Variants in TBC1D15 observed in about 807,000 individuals in gnomAD.
TBC1D15 encodes the protein GAP for RAB7.
A neutral mutation model predicts 95.4 loss-of-function variants in TBC1D15; 39 were observed. That is an observed-to-expected ratio of 0.41 (90% confidence interval 0.32 to 0.53). The LOEUF (loss-of-function observed/expected upper bound fraction) is 0.53. Ranked by LOEUF, TBC1D15 falls within the 20% of genes least tolerant of loss-of-function variation. The probability of loss-of-function intolerance (pLI) is 0.29; values close to 1 mark genes in which losing one functional copy is unlikely to be tolerated. For synonymous variants in TBC1D15, 258 were observed against 261.3 expected, an observed-to-expected ratio of 0.99 and a Z score of 0.12; for missense variants, 733 against 794.3, an observed-to-expected ratio of 0.92 and a Z score of 0.93.
chr12:71,855,137 AGTGCTCAGGG>A (rs902324138), intron 1 of TBC1D15, among the ~76,000 whole-genome samples: 12 of 152,252 alleles, frequency 7.9e-5, no homozygotes, highest in Admixed American at 6.5e-4. Flanking sequence ...GGAGAGAGAG[AGTGCTCAGGG>A]GAAACTGCCA....
intron 1 of TBC1D15, among the ~76,000 whole-genome samples, chr12:71,858,505 A>G (rs1385554807): frequency 6.7e-6 from 1 of 149,262 alleles, no homozygotes; most frequent in Non-Finnish European, 1.5e-5. Context: ...TTTTTTTGAA[A>G]TATAGTCAAA....
rs748386980 is a variant in TBC1D15 at position 71,872,102 on chromosome 12, C to T, written c.63C>T (p.His21=). ...IIYEQEGVYI[H]SSCGKTNDQD... ...ATGAACAAGAAGGAGTATATATTCA[C>T]TCATCTTGTGGAAAGACCAATGACC... Residue 21 remains histidine, a synonymous_variant, in exon 2 of 17, where the codon CAC becomes CAT. Transcript: ENST00000485960. 1.3e-6 allele frequency: 2 copies of T among 1,567,934 alleles called. No homozygotes were observed. The highest frequency in any genetic ancestry group is 1.7e-6 in the Non-Finnish European group (2 of 1,159,624).
intron 7 of TBC1D15, 82 bp downstream of exon 7, chr12:71,894,965 G>A (rs983159778): frequency 2.4e-5 from 31 of 1,318,768 alleles, no homozygotes; most frequent in Non-Finnish European, 3.0e-5. Flanking sequence ...TAATTTTGGT[G>A]ATATCTGCTT....
intron 1 of TBC1D15, among the ~76,000 whole-genome samples, chr12:71,863,276 G>C (rs983919341): frequency 6.6e-6 from 1 of 152,248 alleles, no homozygotes; most frequent in South Asian, 2.1e-4. Flanking sequence ...TACTCAGGAG[G>C]CTGAGGCAGG....
intron 1 of TBC1D15, among the ~76,000 whole-genome samples, chr12:71,843,957 C>G (rs1885689287): frequency 2.0e-5 from 3 of 152,134 alleles, no homozygotes; most frequent in African/African-American, 7.2e-5. Flanking sequence ...AGTCATTACT[C>G]ATTAACACAT....
intron 1 of TBC1D15, among the ~76,000 whole-genome samples, chr12:71,845,253 A>G (rs986079109): frequency 1.3e-5 from 2 of 152,284 alleles, no homozygotes; most frequent in South Asian, 2.1e-4. Flanking sequence ...GTATAACCAG[A>G]TGGACATTTT....
At chr12:71,910,602 G>A (rs1291005871) in intron 11 of TBC1D15, among the ~76,000 whole-genome samples, 1 of 151,934 alleles carries the variant, frequency 6.6e-6, no homozygotes, top group Non-Finnish European at 1.5e-5. Context: ...GGATTCCTAA[G>A]TATTTTATTC....
At chr12:71,864,406 C>G (rs775903318) in intron 1 of TBC1D15, among the ~76,000 whole-genome samples, 5 of 151,642 alleles carry the variant, frequency 3.3e-5, no homozygotes, top group Non-Finnish European at 7.4e-5. Context: ...CCATTGATGT[C>G]CTTGCATCTA....
At chr12:71,856,358 C>T (rs1036608123) in intron 1 of TBC1D15, among the ~76,000 whole-genome samples, 7 of 152,218 alleles carry the variant, frequency 4.6e-5, no homozygotes, top group South Asian at 2.1e-4. Flanking sequence ...AGGTAACAGT[C>T]ATGAGAATGT....
rs1240200581 is a variant in TBC1D15, at chr12:71,923,121, A to G, written c.1942A>G (p.Thr648Ala). Residue 648 changes from threonine to alanine, a missense_variant, in exon 17 of 17, where the codon ACA (threonine) becomes GCA (alanine). By Grantham distance (58) the Thr-to-Ala change is moderately conservative (BLOSUM62 0). Transcript: ENST00000485960. ...TGCATTTCAAAGTAATGCCTTGCCT[A>G]CACTCTCTGCCAGTGGAGCCAGAAA... ...TSAFQSNALP[T>A]LSASGARNDS... 6.2e-7 allele frequency: 1 copy of G among 1,614,186 alleles called. No individual in the cohort carries two copies. Among genetic ancestry groups the G allele is most frequent in the South Asian group, 1.1e-5 (1 of 91,080 alleles).
intron 5 of TBC1D15, among the ~76,000 whole-genome samples, chr12:71,888,340 G>T (rs780724608): frequency 3.3e-5 from 5 of 151,768 alleles, no homozygotes; most frequent in African/African-American, 4.8e-5. Flanking sequence ...AAGAAAGCCA[G>T]CTGTAATCCC....
intron 10 of TBC1D15, among the ~76,000 whole-genome samples, chr12:71,901,300 A>G (rs1207506792): frequency 6.6e-6 from 1 of 152,054 alleles, no homozygotes; most frequent in African/African-American, 2.4e-5. Flanking sequence ...GGGATTATAA[A>G]TATGAGCCAC....
intron 1 of TBC1D15, among the ~76,000 whole-genome samples, chr12:71,862,191 A>G (rs1418066928): frequency 6.6e-6 from 1 of 151,958 alleles, no homozygotes; most frequent in Non-Finnish European, 1.5e-5. Flanking sequence ...TGTTAGATTC[A>G]TTTGGTCTAA....
chr12:71,893,110 A>G, intron 5 of TBC1D15, 112 bp from the exon 6 acceptor site: 1 of 600,700 alleles, frequency 1.7e-6, no homozygotes, highest in Non-Finnish European at 2.7e-6. Context: ...AAACTGTTAA[A>G]ATATTTTGGG....
At chr12:71,854,430 C>T (rs189219853) in intron 1 of TBC1D15, 1 of 396,760 alleles carries the variant, frequency 2.5e-6, no homozygotes. Context: ...CAATCGTAGG[C>T]TGAATGTTTG....
At chr12:71,854,340 G>T (rs984478763) in intron 1 of TBC1D15, among the ~76,000 whole-genome samples, 7 of 152,152 alleles carry the variant, frequency 4.6e-5, no homozygotes, top group African/African-American at 1.7e-4. Context: ...AGAAGTGGAA[G>T]TTTTTATATA....
intron 5 of TBC1D15, among the ~76,000 whole-genome samples, chr12:71,888,469 A>T (rs1896653797): frequency 7.6e-6 from 1 of 131,208 alleles, no homozygotes. Flanking sequence ...GACTTTACCT[A>T]AAAAAAAAAA....
At chr12:71,876,820 G>GT (rs1256328377) in intron 3 of TBC1D15, among the ~76,000 whole-genome samples, 64 of 106,354 alleles carry the variant, frequency 6.0e-4, no homozygotes, top group East Asian at 4.2e-3. Flanking sequence ...TTTTTGTTTT[G>GT]TTTTTTTTGA....
chr12:71,885,044 C>G (rs749343509), intron 5 of TBC1D15, 23 bp downstream of exon 5: 1 of 1,606,178 alleles, frequency 6.2e-7, no homozygotes, highest in African/African-American at 1.3e-5. Flanking sequence ...TTATTTTCTA[C>G]TTATTGAAAC....
Sources: gnomAD v4.1 joint callset for allele counts (sites outside exome capture counted in the v4.1 genomes callset) on GRCh38, gnomAD v4.1.1 for gene constraint, MANE v1.5 for transcripts, NCBI Gene and HGNC (gene_info 2026-07-23, HGNC 2026-07-21) for gene names.